The following QSOX1 variants were observed in gnomAD, a reference collection of about 807,000 sequenced individuals.
QSOX1 encodes the protein sulfhydryl oxidase 1.
A neutral mutation model predicts 76.1 loss-of-function variants in QSOX1; 40 were observed. The observed-to-expected ratio is 0.53, with a 90% CI of 0.41 to 0.68. The LOEUF (loss-of-function observed/expected upper bound fraction) is 0.68. Among genes scored for constraint, QSOX1 ranks in the 30% least tolerant of loss-of-function variants. QSOX1 has a pLI of 0.00. For synonymous variants in QSOX1, 392 were observed against 413.1 expected (o/e 0.95, Z 0.62); for missense variants, 931 against 974.3 (o/e 0.96, Z 0.59).
intron 10 of QSOX1, among the ~76,000 whole-genome samples, chr1:180,193,192 T>C (rs576733722): frequency 6.6e-6 from 1 of 152,008 alleles, no homozygotes; most frequent in Non-Finnish European, 1.5e-5. Flanking sequence ...TGATCCCTTA[T>C]CAGGGGATAA....
In QSOX1 at chr1:180,197,096, G is replaced by T; in HGVS notation, c.*59G>T. The T allele has an allele frequency of 6.5e-7, 1 of 1,527,876 alleles. No homozygotes were observed. Among genetic ancestry groups the T allele is most frequent in the Non-Finnish European group, 8.8e-7 (1 of 1,137,674 alleles). The allele number at this position is 1,527,876 out of a possible 1,614,324, so 94.6% of individuals were successfully genotyped here. A position where few individuals can be genotyped will look rare whatever the true frequency, so the allele number is the denominator to read the frequency against. ...CATCTCTAGGCACCTCAAGCCCCCTGACCCCATTCCCTCCCCTCCCACCCC... is the reference window on the plus strand; with the variant it reads ...CATCTCTAGGCACCTCAAGCCCCCTTACCCCATTCCCTCCCCTCCCACCCC... On this transcript the variant is annotated 3_prime_UTR_variant, in exon 12 of 12. Transcript: ENST00000367602.
chr1:180,183,574 G>A (rs1339484047), intron 6 of QSOX1, among the ~76,000 whole-genome samples: 9 of 152,298 alleles, frequency 5.9e-5, no homozygotes, highest in East Asian at 3.9e-4. Context: ...ACACTCCGCC[G>A]TTCCTGTCTG....
In QSOX1 at chr1:180,203,841, T is replaced by C. The variant is rs1013904552; in HGVS notation, c.*6804T>C. ...CTTGCTGTTTTCTGTCCCTAAATTCTCTCTGAGTACACTGCAGCCCTGAAG... is the reference window on the plus strand; with the variant it reads ...CTTGCTGTTTTCTGTCCCTAAATTCCCTCTGAGTACACTGCAGCCCTGAAG... On this transcript the variant is annotated 3_prime_UTR_variant, in exon 12 of 12. Transcript: ENST00000367602. The C allele has an allele frequency of 6.6e-6, 1 of 152,246 alleles. No individual in the cohort carries two copies. The highest frequency in any genetic ancestry group is 2.4e-5 in the African/African-American group (1 of 41,462). 9.4% of individuals were successfully genotyped at this position (152,246 alleles called of 1,614,324 possible).
intron 6 of QSOX1, among the ~76,000 whole-genome samples, chr1:180,182,559 A>G (rs1663068190): frequency 6.6e-6 from 1 of 151,886 alleles, no homozygotes; most frequent in Non-Finnish European, 1.5e-5. Context: ...CCCCGCACCC[A>G]GTGTCGCCTG....
rs1663659589 is a variant in QSOX1, at chr1:180,202,694, G to T, written c.*5657G>T. ...CTAATGCAAAAAAAAAAAAAAAAGG[G>T]GAAATATAATTGAATACTTCACTGT... On this transcript the variant is annotated 3_prime_UTR_variant, in exon 12 of 12. Coordinates refer to ENST00000367602, the MANE Select transcript of QSOX1 (RefSeq NM_002826.5). 7.9e-6 allele frequency: 1 copy of T among 126,320 alleles called. No homozygotes were observed. Among genetic ancestry groups the T allele is most frequent in the Admixed American group, 8.5e-5 (1 of 11,796 alleles). 7.8% of individuals were successfully genotyped at this position (126,320 alleles called of 1,614,324 possible). A position where few individuals can be genotyped will look rare whatever the true frequency, so the allele number is the denominator to read the frequency against.
rs1216464952 is a variant in QSOX1, at chr1:180,203,272, A to G, written c.*6235A>G. The G allele has an allele frequency of 6.6e-6, 1 of 152,132 alleles. No individual in the cohort carries two copies. The highest frequency in any genetic ancestry group is 1.5e-5 in the Non-Finnish European group (1 of 68,010). The allele number at this position is 152,132 out of a possible 1,614,324, so 9.4% of individuals were successfully genotyped here. A position where few individuals can be genotyped will look rare whatever the true frequency, so the allele number is the denominator to read the frequency against. ...TATAAACATAAGTTACTATTGTTAT[A>G]TATATGCTAACGTTTGTCTAGAAAA... On this transcript the variant is annotated 3_prime_UTR_variant, in exon 12 of 12. Coordinates refer to ENST00000367602, the MANE Select transcript of QSOX1 (RefSeq NM_002826.5).
intron 2 of QSOX1, 124 bp from the exon 3 acceptor site, chr1:180,175,194 TCAA>T (rs1329386052): frequency 4.9e-6 from 4 of 811,172 alleles, no homozygotes; most frequent in Non-Finnish European, 8.3e-6. Context: ...AGAAACAGGC[TCAA>T]CAACATTAAG....
chr1:180,177,496 C>T (rs1466244182), intron 4 of QSOX1, among the ~76,000 whole-genome samples: 1 of 152,226 alleles, frequency 6.6e-6, no homozygotes, highest in Non-Finnish European at 1.5e-5. Context: ...CTCAGGCAAT[C>T]GGCCTGCCTT....
At chr1:180,177,045 T>C (rs577407977) in intron 4 of QSOX1, among the ~76,000 whole-genome samples, 121 of 152,284 alleles carry the variant, frequency 7.9e-4, no homozygotes, top group Middle Eastern at 3.4e-3. Context: ...CTTTATGTGG[T>C]TTGGGGTTCC....
Position 180,186,077 on chromosome 1 carries a change from G to A in QSOX1, c.912G>A (p.Leu304=). The A allele has an allele frequency of 1.2e-6, 2 of 1,614,122 alleles. No individual in the cohort carries two copies. The highest frequency in any genetic ancestry group is 1.3e-5 in the African/African-American group (1 of 75,038). The part of the protein sequence containing the change: ...ADRSKIYMAD[L]ESALHYILRI... ...GCTCCAAGATCTACATGGCTGACCTGGAATCTGCACTGCACTACATCCTGC... is the reference window on the plus strand; with the variant it reads ...GCTCCAAGATCTACATGGCTGACCTAGAATCTGCACTGCACTACATCCTGC... The change falls in exon 8 of 12, where the codon CTG becomes CTA. Residue 304 remains leucine (L), a synonymous_variant. Coordinates refer to ENST00000367602, the MANE Select transcript of QSOX1 (RefSeq NM_002826.5).
chr1:180,170,425 A>C (rs1662733448), intron 2 of QSOX1, among the ~76,000 whole-genome samples: 1 of 152,182 alleles, frequency 6.6e-6, no homozygotes, highest in South Asian at 2.1e-4. Context: ...ACGTTATAAA[A>C]GCTGGAATTG....
chr1:180,182,150 C>T (rs764455601), intron 5 of QSOX1, 24 bp from the exon 6 acceptor site: 2 of 1,612,354 alleles, frequency 1.2e-6, no homozygotes, highest in African/African-American at 1.3e-5. Context: ...GGCCTGGCCC[C>T]CAGATGTTCT....
At chr1:180,174,585 A>G (rs1156574250) in intron 2 of QSOX1, among the ~76,000 whole-genome samples, 1 of 152,174 alleles carries the variant, frequency 6.6e-6, no homozygotes, top group East Asian at 1.9e-4. Context: ...GACATTTCCC[A>G]AGGGACGTAG....
intron 5 of QSOX1, 88 bp downstream of exon 5, chr1:180,178,972 AG>A: frequency 8.1e-7 from 1 of 1,231,882 alleles, no homozygotes; most frequent in South Asian, 1.2e-5. Flanking sequence ...TGCCAATTCT[AG>A]GGTCTTGGCT....
Position 180,190,591 on chromosome 1 carries a change from G to T in QSOX1, c.1288+11G>T. 6.2e-7 allele frequency: 1 copy of T among 1,609,002 alleles called. No individual in the cohort carries two copies. The highest frequency in any genetic ancestry group is 1.1e-5 in the South Asian group (1 of 90,676). On this transcript the variant is annotated intron_variant, in intron 10 of 11. Transcript: ENST00000367602. ...ACTCACAGGAAGCAGGTACGTCCAG[G>T]ACCCGTTCACCCCACTGTGCCTCCA...
At chr1:180,182,922 G>T (rs1373152229) in intron 6 of QSOX1, among the ~76,000 whole-genome samples, 1 of 152,168 alleles carries the variant, frequency 6.6e-6, no homozygotes, top group Non-Finnish European at 1.5e-5. Context: ...TGCCTGTGGT[G>T]CCTGGTGAGC....
chr1:180,157,127 G>A (rs1053539746), intron 1 of QSOX1, among the ~76,000 whole-genome samples: 1 of 152,196 alleles, frequency 6.6e-6, no homozygotes, highest in Admixed American at 6.5e-5. Flanking sequence ...ATAAGAAAGC[G>A]AAATCAGAAT....
intron 1 of QSOX1, among the ~76,000 whole-genome samples, chr1:180,166,109 C>T (rs962602957): frequency 1.3e-5 from 2 of 152,102 alleles, no homozygotes; most frequent in African/African-American, 4.8e-5. Flanking sequence ...CCATTTAGAG[C>T]CCCAGGGACA....
chr1:180,178,829 A>G lies in QSOX1; in HGVS notation c.551A>G (p.Asn184Ser). 2 of 1,614,024 alleles carry G rather than the reference A, an allele frequency of 1.2e-6. No homozygotes were observed. Among genetic ancestry groups the G allele is most frequent in the Middle Eastern group, 1.6e-4 (1 of 6,062 alleles). ...ATTGATGGATTCTTTGCGAGAAATA[A>G]CGAAGAGTACCTGGCTCTGATCTTT... ...EEIDGFFARN[N>S]EEYLALIFEK... Residue 184 changes from asparagine to serine, a missense_variant, in exon 5 of 12, where the codon AAC becomes AGC. By Grantham distance (46) the Asn-to-Ser change is conservative. Transcript: ENST00000367602.
Sources: gnomAD v4.1 joint callset for allele counts (sites outside exome capture counted in the v4.1 genomes callset) on GRCh38, gnomAD v4.1.1 for gene constraint, MANE v1.5 for transcripts, NCBI Gene and HGNC (gene_info 2026-07-23, HGNC 2026-07-21) for gene names.